TBC1D1: variants seen among roughly 807,000 people sequenced by gnomAD.
TBC1D1 encodes TBC1 domain family member 1, also known as TBC1 (tre-2/USP6, BUB2, cdc16) domain family, member 1.
TBC1D1 carries 89 observed loss-of-function variants against 125.6 expected under a neutral mutation model. That is an observed-to-expected ratio of 0.71 (90% confidence interval 0.60 to 0.85). The LOEUF (loss-of-function observed/expected upper bound fraction) is 0.85, where lower values mean the gene tolerates loss of function less well. Among genes scored for constraint, TBC1D1 ranks in the 40% least tolerant of loss-of-function variants. TBC1D1 has a pLI of 0.00. For synonymous variants in TBC1D1, 565 were observed against 564.1 expected (o/e 1.00, Z -0.02); for missense variants, 1,377 against 1,469.2 (o/e 0.94, Z 1.03).
chr4:37,922,136 A>C (rs963906715), intron 2 of TBC1D1, among the ~76,000 whole-genome samples: 4 of 152,028 alleles, frequency 2.6e-5, no homozygotes, highest in African/African-American at 9.7e-5. Context: ...AATAATAACC[A>C]CAACTAATTT....
intron 2 of TBC1D1, among the ~76,000 whole-genome samples, chr4:37,908,263 T>C (rs1311481087): frequency 1.3e-5 from 2 of 152,072 alleles, no homozygotes; most frequent in Non-Finnish European, 2.9e-5. Context: ...TGGAATGCAG[T>C]CGTGCAATCT....
intron 12 of TBC1D1, among the ~76,000 whole-genome samples, chr4:38,066,694 CT>C (rs1003694786): frequency 1.3e-5 from 2 of 152,138 alleles, no homozygotes; most frequent in East Asian, 3.9e-4. Flanking sequence ...CATGCCCCCC[CT>C]GGAGGGGAGC....
At chr4:37,968,598 T>G (rs1261332616) in intron 2 of TBC1D1, among the ~76,000 whole-genome samples, 1 of 152,380 alleles carries the variant, frequency 6.6e-6, no homozygotes, top group African/African-American at 2.4e-5. Flanking sequence ...AGTCCTCACC[T>G]AATTTGTTCT....
chr4:38,075,511 G>A (rs1371149564), intron 12 of TBC1D1, among the ~76,000 whole-genome samples: 3 of 152,214 alleles, frequency 2.0e-5, no homozygotes, highest in African/African-American at 7.2e-5. Flanking sequence ...GTTGGGTTGG[G>A]AGAAGAATTG....
chr4:37,954,097 A>G (rs960044730), intron 2 of TBC1D1, among the ~76,000 whole-genome samples: 10 of 152,232 alleles, frequency 6.6e-5, no homozygotes, highest in African/African-American at 2.4e-4. Flanking sequence ...TAAATCACCA[A>G]TAACAGGCTT....
chr4:38,014,451 T>C lies in TBC1D1; in HGVS notation c.418-58T>C, dbSNP rs116145615. The C allele has an allele frequency of 8.8e-4, 1,359 of 1,541,014 alleles. 11 individuals carry two copies. In the African/African-American group the frequency reaches 0.017, roughly 19 times the overall value. On this transcript the variant is annotated intron_variant, in intron 2 of 19. Transcript: ENST00000261439. This position sits in a 1 kb window ranked among gnomAD's most constrained non-coding sequence, Gnocchi z 5.1. Reference sequence around the variant, plus strand: ...GTCCCGAAAGAGCATGGTGCATTCATTCCGTGAGTGCCAGCCACACTGCAT... The same window carrying C: ...GTCCCGAAAGAGCATGGTGCATTCACTCCGTGAGTGCCAGCCACACTGCAT...
At chr4:37,910,041 G>T (rs941054440) in intron 2 of TBC1D1, among the ~76,000 whole-genome samples, 8 of 152,260 alleles carry the variant, frequency 5.3e-5, no homozygotes, top group Non-Finnish European at 5.9e-5. Flanking sequence ...ATTTATTTTT[G>T]ACTTTGAAAA....
At chr4:38,086,140 T>G (rs77744266) in intron 12 of TBC1D1, among the ~76,000 whole-genome samples, 5,293 of 148,916 alleles carry the variant, frequency 0.036, 242 homozygotes, top group African/African-American at 0.11. Flanking sequence ...TTATACAAAT[T>G]TGTTGTTAAT....
At chr4:37,988,633 A>T (rs921563381) in intron 2 of TBC1D1, among the ~76,000 whole-genome samples, 2 of 152,186 alleles carry the variant, frequency 1.3e-5, no homozygotes, top group African/African-American at 4.8e-5. Context: ...CTTTTTAAGG[A>T]TGAAGAAACA....
intron 1 of TBC1D1, among the ~76,000 whole-genome samples, chr4:37,900,015 G>A (rs1715520996): frequency 6.6e-6 from 1 of 152,186 alleles, no homozygotes; most frequent in African/African-American, 2.4e-5. Flanking sequence ...CAGCTACTCG[G>A]GAGGCTGACG....
chr4:38,089,819 G>A (rs1436883557), intron 12 of TBC1D1, 113 bp from the exon 15 acceptor site: 2 of 1,121,976 alleles, frequency 1.8e-6, no homozygotes, highest in Admixed American at 5.4e-5. Context: ...TTTAAATTTG[G>A]TGATATTATT....
At chr4:37,963,113 C>T (rs1290080662) in intron 2 of TBC1D1, among the ~76,000 whole-genome samples, 1 of 152,154 alleles carries the variant, frequency 6.6e-6, no homozygotes, top group Admixed American at 6.5e-5. Flanking sequence ...TTAGTTGAAG[C>T]TATGCATATT....
rs531962294 is a variant in TBC1D1 at position 37,968,413 on chromosome 4, G to T, written c.418-46096G>T. ...ACATTTAATGAAGGTGGCTGGGGCCGCTAAAAATGTTCTCATGAAGTCGGC... is the reference window on the plus strand; with the variant it reads ...ACATTTAATGAAGGTGGCTGGGGCCTCTAAAAATGTTCTCATGAAGTCGGC... On this transcript the variant is annotated intron_variant, in intron 2 of 19. Coordinates refer to ENST00000261439, the MANE Select transcript of TBC1D1 (RefSeq NM_015173.4). Among the ~76,000 whole-genome samples the T allele has an allele frequency of 4.6e-5, 7 of 152,302 alleles. No homozygotes were observed. In the East Asian group the frequency reaches 1.3e-3, roughly 29 times the overall value.
intron 8 of TBC1D1, among the ~76,000 whole-genome samples, chr4:38,036,036 C>A (rs1486457582): frequency 6.6e-6 from 1 of 152,138 alleles, no homozygotes; most frequent in African/African-American, 2.4e-5. Context: ...TCTTTGTAAA[C>A]CTGGAAGGAC....
At chr4:38,042,316 G>C (rs1452089162) in intron 8 of TBC1D1, among the ~76,000 whole-genome samples, 2 of 151,940 alleles carry the variant, frequency 1.3e-5, no homozygotes, top group Admixed American at 6.5e-5. Context: ...GTGCGGTGGT[G>C]CGATGTCAGC....
chr4:37,909,059 C>G (rs1240719264), intron 2 of TBC1D1, among the ~76,000 whole-genome samples: 1 of 152,166 alleles, frequency 6.6e-6, no homozygotes, highest in Non-Finnish European at 1.5e-5. Flanking sequence ...GACTACTTGA[C>G]TCTTTGTAGA....
At chr4:37,997,710 A>G (rs571294408) in intron 2 of TBC1D1, among the ~76,000 whole-genome samples, 5 of 152,228 alleles carry the variant, frequency 3.3e-5, no homozygotes, top group African/African-American at 7.2e-5. Context: ...ATTAATAAGC[A>G]CTATTGAAAA....
chr4:38,039,880 G>C (rs1163636478), intron 8 of TBC1D1, among the ~76,000 whole-genome samples: 3 of 152,042 alleles, frequency 2.0e-5, no homozygotes, highest in African/African-American at 7.2e-5. Flanking sequence ...TTGGGAGGCT[G>C]AGATGGGAGG....
At position 38,133,237 on chromosome 4, in the gene TBC1D1, G is replaced by A. The variant is rs1014846953; in HGVS notation, c.3286G>A (p.Asp1096Asn). 1.2e-6 allele frequency: 2 copies of A among 1,613,848 alleles called. No homozygotes were observed. Among genetic ancestry groups the A allele is most frequent in the African/African-American group, 2.7e-5 (2 of 74,900 alleles). ...CAGCAGCTTACGCAAACAGAACCTT[G>A]ACCTCCTTGAACAGTTGCAGGTAGA... The change falls in exon 19 of 20, where the codon GAC (aspartate) becomes AAC (asparagine). Residue 1096 changes from aspartate to asparagine, a missense_variant. Asp to Asn is a conservative substitution (Grantham distance 23). Around this residue, in one of 3 missense-constraint regions of TBC1D1, gnomAD observed 543 missense variants for 613.5 expected, o/e 0.89. Transcript: ENST00000261439.
Sources: allele counts gnomAD v4.1 joint callset (sites outside exome capture counted in the v4.1 genomes callset), GRCh38; gene constraint gnomAD v4.1.1; regional missense constraint gnomAD v4.1.1; non-coding constraint Gnocchi (gnomAD v3.1); transcripts MANE v1.5; gene names NCBI Gene and HGNC (gene_info 2026-07-23, HGNC 2026-07-21).